CRTAM: variants seen among roughly 807,000 people sequenced by gnomAD.
CRTAM encodes the protein cytotoxic and regulatory T-cell molecule.
Under a neutral mutation model 50.0 loss-of-function variants are expected in CRTAM, and 44 were observed. The observed-to-expected ratio is 0.88, with a 90% CI of 0.69 to 1.13. The LOEUF (loss-of-function observed/expected upper bound fraction) is 1.13. Ranked by LOEUF, CRTAM falls within the 50% of genes most tolerant of loss-of-function variation. The pLI is 0.00. For missense variants in CRTAM, 448 were observed against 457.5 expected (o/e 0.98, Z 0.19); for synonymous variants, 159 against 169.3 (o/e 0.94, Z 0.47).
At chr11:122,839,983 C>T (rs1323225645) in intron 1 of CRTAM, among the ~76,000 whole-genome samples, 2 of 152,174 alleles carry the variant, frequency 1.3e-5, no homozygotes, top group African/African-American at 4.8e-5. Context: ...CATTAAGTGG[C>T]TTAAAGAATA....
At chr11:122,850,626 C>T (rs1240809991) in intron 2 of CRTAM, among the ~76,000 whole-genome samples, 2 of 152,230 alleles carry the variant, frequency 1.3e-5, no homozygotes, top group Non-Finnish European at 2.9e-5. Context: ...TCCATCTGAG[C>T]AATCCAAAGG....
intron 1 of CRTAM, among the ~76,000 whole-genome samples, chr11:122,849,304 A>G (rs1392756694): frequency 6.6e-6 from 1 of 152,252 alleles, no homozygotes; most frequent in African/African-American, 2.4e-5. Flanking sequence ...GTAGTTACAT[A>G]AACACGGCCT....
intron 1 of CRTAM, 33 bp from the exon 2 acceptor site, chr11:122,850,035 G>A (rs760250493): frequency 1.0e-5 from 16 of 1,553,170 alleles, no homozygotes; most frequent in African/African-American, 5.5e-5. Flanking sequence ...GTGGACCCCC[G>A]GCCTGATCAT....
At chr11:122,845,947 C>T (rs1030479272) in intron 1 of CRTAM, among the ~76,000 whole-genome samples, 6 of 152,022 alleles carry the variant, frequency 3.9e-5, no homozygotes, top group Non-Finnish European at 8.8e-5. Context: ...ACCTTGGCCT[C>T]CCAAGGTGCT....
chr11:122,842,484 G>A (rs547771607), intron 1 of CRTAM, among the ~76,000 whole-genome samples: 4 of 152,036 alleles, frequency 2.6e-5, no homozygotes, highest in South Asian at 2.1e-4. Flanking sequence ...TCACTATGTC[G>A]GCCAGGCTGG....
At chr11:122,858,283 GAC>G (rs1170244881) in intron 5 of CRTAM, among the ~76,000 whole-genome samples, 4 of 151,618 alleles carry the variant, frequency 2.6e-5, no homozygotes, top group Non-Finnish European at 5.9e-5. Context: ...GGAAGGCAGT[GAC>G]ACAGTCTTGG....
chr11:122,849,967 A>C, intron 1 of CRTAM, 101 bp from the exon 2 acceptor site: 2 of 1,230,174 alleles, frequency 1.6e-6, no homozygotes, highest in Admixed American at 2.7e-5. Context: ...TTTGGTTTCT[A>C]GAAGAAATAG....
At chr11:122,840,602 C>G (rs1591346423) in intron 1 of CRTAM, among the ~76,000 whole-genome samples, 1 of 152,120 alleles carries the variant, frequency 6.6e-6, no homozygotes, top group East Asian at 1.9e-4. Flanking sequence ...TGGCTGCCAC[C>G]CCTGACCTAA....
chr11:122,855,847 G>C lies in CRTAM; in HGVS notation c.643G>C (p.Glu215Gln), dbSNP rs1422008987. The C allele has an allele frequency of 3.0e-5, 49 of 1,611,554 alleles. No homozygotes were observed. The highest frequency in any genetic ancestry group is 3.8e-5 in the Non-Finnish European group (45 of 1,179,096). Residue 215 changes from glutamate (E) to glutamine (Q), a missense_variant, in exon 5 of 10, where the codon GAA becomes CAA. Glu to Gln is a conservative substitution (Grantham distance 29). Coordinates refer to ENST00000227348, the MANE Select transcript of CRTAM (RefSeq NM_019604.4). ...AAAACTAGTAGCACCCTTCCGGTTT[G>C]AAGATTTGGGTAAGAAGAACTAATG... ...GRKLVAPFRF[E>Q]DLVTDEETAS... is the part of the protein sequence containing the mutation.
At chr11:122,861,799 T>TGTGGCTGGTAAAACCTGTTCA (rs1862086888) in intron 5 of CRTAM, among the ~76,000 whole-genome samples, 1 of 152,104 alleles carries the variant, frequency 6.6e-6, no homozygotes, top group Non-Finnish European at 1.5e-5. Flanking sequence ...GCTTCCTGGA[T>TGTGGCTGGTAAAACCTGTTCA]GTGGCTGGTA....
At chr11:122,863,996 A>G (rs972866153) in intron 6 of CRTAM, among the ~76,000 whole-genome samples, 4 of 152,204 alleles carry the variant, frequency 2.6e-5, no homozygotes, top group South Asian at 4.1e-4. Context: ...TCTGGAAAAA[A>G]AAACCACACA....
Position 122,854,086 on chromosome 11 carries a change from G to A in CRTAM, c.490G>A (p.Gly164Ser), listed in dbSNP as rs190108666. 110 of 1,609,504 alleles carry A rather than the reference G, an allele frequency of 6.8e-5. No individual in the cohort carries two copies. The highest frequency in any genetic ancestry group is 1.2e-4 in the Admixed American group (7 of 58,882). ...WLLGNSMEVS[G>S]GTLHEFETDG... is the part of the protein sequence containing the mutation. ...ACTTGGGAATAGCATGGAAGTGTCC[G>A]GTAAGGGGAGAAATGGTTCTCTTTG... Residue 164 changes from glycine to serine, a missense_variant and splice_region_variant, in exon 4 of 10, where the codon GGT becomes AGT. Physicochemically the swap from Gly to Ser is moderately conservative, Grantham distance 56 (BLOSUM62 0). Coordinates refer to ENST00000227348, the MANE Select transcript of CRTAM (RefSeq NM_019604.4).
At chr11:122,849,104 A>G (rs1044301074) in intron 1 of CRTAM, among the ~76,000 whole-genome samples, 12 of 152,214 alleles carry the variant, frequency 7.9e-5, no homozygotes, top group Admixed American at 7.9e-4. Context: ...CCTCTGGTGT[A>G]GAAACTCTCG....
intron 5 of CRTAM, among the ~76,000 whole-genome samples, chr11:122,856,272 C>T (rs918758451): frequency 6.6e-6 from 1 of 152,194 alleles, no homozygotes; most frequent in Non-Finnish European, 1.5e-5. Context: ...CACACAGATA[C>T]ATGAAGACAT....
chr11:122,857,243 C>T (rs913389157), intron 5 of CRTAM, among the ~76,000 whole-genome samples: 4 of 152,062 alleles, frequency 2.6e-5, no homozygotes, highest in Admixed American at 6.6e-5. Context: ...CCGAGGCGGG[C>T]AGATCACCTG....
At chr11:122,849,114 G>A (rs766727355) in intron 1 of CRTAM, among the ~76,000 whole-genome samples, 8 of 151,974 alleles carry the variant, frequency 5.3e-5, no homozygotes, top group Non-Finnish European at 7.4e-5. Flanking sequence ...AGAAACTCTC[G>A]GACAGGTGGG....
At position 122,858,140 on chromosome 11, in the gene CRTAM, T is replaced by A. The variant is rs140888237; in HGVS notation, c.652+2284T>A. 1.4e-3 allele frequency among the ~76,000 whole-genome samples: 211 copies of A among 152,242 alleles called. 3 individuals carry two copies. In the East Asian group the frequency reaches 0.039, roughly 28 times the overall value. On this transcript the variant is annotated intron_variant, in intron 5 of 9. Coordinates refer to ENST00000227348, the MANE Select transcript of CRTAM (RefSeq NM_019604.4). The stretch of plus-strand genomic sequence containing the variant: ...TTGCTCAGGCTGGTCTCAAAACTCC[T>A]AGGCTCAAGAAATTCTCCCTCTTTG...
At position 122,862,482 on chromosome 11, in the gene CRTAM, C is replaced by T; in HGVS notation, c.671C>T (p.Ala224Val). ...TTCCTAGTTACTGATGAAGAGACAG[C>T]TTCAGATGCTCTGGAGAGAAACTCT... The part of the protein sequence containing the change: ...FEDLVTDEET[A>V]SDALERNSLS... Residue 224 changes from alanine (A) to valine (V), a missense_variant, in exon 6 of 10, where the codon GCT (alanine) becomes GTT (valine). Coordinates refer to ENST00000227348, the MANE Select transcript of CRTAM (RefSeq NM_019604.4). 1 of 1,612,666 alleles carries T rather than the reference C, an allele frequency of 6.2e-7. No homozygotes were observed. Among genetic ancestry groups the T allele is most frequent in the South Asian group, 1.1e-5 (1 of 91,040 alleles).
rs1387210747 is a variant in CRTAM, at chr11:122,867,568, G to A, written c.964+13G>A. 1 of 1,609,316 alleles carries A rather than the reference G, an allele frequency of 6.2e-7. No homozygotes were observed. ...ATATGGAAGAAAGGTCAGTGGGCAG[G>A]GAACCTGACGGGGGCTATAAGACGC... On this transcript the variant is annotated intron_variant, in intron 8 of 9. Transcript: ENST00000227348.
Sources: gnomAD v4.1 joint callset for allele counts (sites outside exome capture counted in the v4.1 genomes callset) on GRCh38, gnomAD v4.1.1 for gene constraint, MANE v1.5 for transcripts, NCBI Gene and HGNC (gene_info 2026-07-23, HGNC 2026-07-21) for gene names.